The following PRAMEF15 variants were observed in gnomAD, a reference collection of about 807,000 sequenced individuals.
The protein encoded by PRAMEF15 is PRAME family member 15, also known as PRAME family member 9/15.
In PRAMEF15, 21 loss-of-function variants were observed where a neutral mutation model predicts 35.3. That is an observed-to-expected ratio of 0.59 (90% CI 0.42 to 0.86). The LOEUF (loss-of-function observed/expected upper bound fraction) is 0.86. Among genes scored for constraint, PRAMEF15 ranks in the 40% least tolerant of loss-of-function variants. The pLI, the probability that PRAMEF15 is intolerant of heterozygous loss-of-function variation, is 0.00. For missense variants in PRAMEF15, 360 were observed against 574.1 expected (o/e 0.63, Z 3.81); for synonymous variants, 122 against 223.3 (o/e 0.55, Z 4.05).
chr1:13,320,589 A>C (rs1489427000), intron 3 of PRAMEF15, among the ~76,000 whole-genome samples: 1 of 151,898 alleles, frequency 6.6e-6, no homozygotes, highest in Non-Finnish European at 1.5e-5. Context: ...ACACCTGGCT[A>C]ATTTTTATAT....
At chr1:13,316,844 T>C (rs1640011253) in intron 1 of PRAMEF15, among the ~76,000 whole-genome samples, 1 of 151,348 alleles carries the variant, frequency 6.6e-6, no homozygotes, top group Non-Finnish European at 1.5e-5. Context: ...CTGTCTAATA[T>C]CAGGAAGAGA....
At chr1:13,317,280 G>C (rs1333076423) in intron 1 of PRAMEF15, among the ~76,000 whole-genome samples, 1 of 151,874 alleles carries the variant, frequency 6.6e-6, no homozygotes, top group Admixed American at 6.6e-5. Context: ...ATGTTGGCCA[G>C]GCTCGTCTTG....
chr1:13,320,922 C>T (rs1411582696), intron 3 of PRAMEF15, among the ~76,000 whole-genome samples: 1 of 152,026 alleles, frequency 6.6e-6, no homozygotes, highest in Non-Finnish European at 1.5e-5. Flanking sequence ...CTAGGCAATG[C>T]ATGATTCTGA....
chr1:13,321,189 A>T (rs1317236393), intron 3 of PRAMEF15, among the ~76,000 whole-genome samples: 2 of 146,022 alleles, frequency 1.4e-5, no homozygotes, highest in Admixed American at 6.9e-5. Flanking sequence ...TGGTGAAGTG[A>T]CTCAGCCTCA....
chr1:13,321,253 C>T (rs1407613758), intron 3 of PRAMEF15, among the ~76,000 whole-genome samples: 2 of 145,926 alleles, frequency 1.4e-5, no homozygotes, highest in Non-Finnish European at 3.0e-5. Context: ...CTCTCTCTGT[C>T]ACCCAGGCTG....
intron 1 of PRAMEF15, among the ~76,000 whole-genome samples, 158 bp downstream of exon 1, chr1:13,315,816 G>C (rs1294711517): frequency 6.7e-6 from 1 of 149,520 alleles, no homozygotes; most frequent in African/African-American, 2.5e-5. Context: ...TCCTCTAAAT[G>C]CAGTTCTGTC....
In PRAMEF15 at chr1:13,319,385, C is replaced by T. The variant is rs1270407635; in HGVS notation, c.307C>T (p.Gln103Ter). The change falls in exon 3 of 4, where the codon CAA becomes TAA. Residue 103 changes from glutamine to a stop codon, truncating the protein, a stop_gained. Coordinates refer to ENST00000376152, the MANE Select transcript of PRAMEF15 (RefSeq NM_001098376.3). LOFTEE classifies it high-confidence loss of function. ...QGVRPRRWKLQVLDLQDVCEN... is the reference protein window; with the variant it reads ...QGVRPRRWKL ...ATTTTGCCACAGGAGGTGGAAACTC[C>T]AAGTGCTGGATTTACAGGATGTCTG... The T allele has an allele frequency of 6.2e-7, 1 of 1,611,026 alleles. No individual in the cohort carries two copies. Among genetic ancestry groups the T allele is most frequent in the African/African-American group, 1.3e-5 (1 of 74,694 alleles).
At chr1:13,317,019 G>T (rs1377193610) in intron 1 of PRAMEF15, among the ~76,000 whole-genome samples, 2 of 150,332 alleles carry the variant, frequency 1.3e-5, no homozygotes, top group Middle Eastern at 3.4e-3. Flanking sequence ...CTTTAAGAAA[G>T]CCAAAAATCC....
intron 3 of PRAMEF15, 43 bp from the exon 4 acceptor site, chr1:13,321,660 C>T: frequency 1.9e-6 from 3 of 1,603,860 alleles, no homozygotes; most frequent in Admixed American, 1.7e-5. Flanking sequence ...CTCCACTCAC[C>T]CCTATGATTC....
intron 1 of PRAMEF15, among the ~76,000 whole-genome samples, chr1:13,317,855 G>C (rs1640026724): frequency 6.7e-6 from 1 of 150,372 alleles, no homozygotes; most frequent in Non-Finnish European, 1.5e-5. Context: ...AAAGAAAGAA[G>C]GGAGAGAGAG....
intron 1 of PRAMEF15, among the ~76,000 whole-genome samples, chr1:13,317,196 A>C (rs1640016018): frequency 6.6e-6 from 1 of 151,526 alleles, no homozygotes; most frequent in Non-Finnish European, 1.5e-5. Context: ...CAGCCTCCCT[A>C]GTAGCTTGGA....
chr1:13,318,461 C>A lies in PRAMEF15; in HGVS notation c.54C>A (p.Ser18Arg). The A allele has an allele frequency of 6.2e-7, 1 of 1,614,038 alleles. No homozygotes were observed. The highest frequency in any genetic ancestry group is 8.5e-7 in the Non-Finnish European group (1 of 1,180,034). Reference sequence around the variant, plus strand: ...GACTCCTGGAGCTTGCAGGGCGGAGCCTGCTGAGGGACCAAGCTTTGGCCA... The same window carrying A: ...GACTCCTGGAGCTTGCAGGGCGGAGACTGCTGAGGGACCAAGCTTTGGCCA... ...PPRLLELAGR[S>R]LLRDQALAMS... Residue 18 changes from serine to arginine, a missense_variant, in exon 2 of 4, where the codon AGC becomes AGA. Transcript: ENST00000376152.
At chr1:13,316,836 G>A (rs1218377783) in intron 1 of PRAMEF15, among the ~76,000 whole-genome samples, 1 of 151,252 alleles carries the variant, frequency 6.6e-6, no homozygotes, top group South Asian at 2.1e-4. Context: ...CTTTCTTTCT[G>A]TCTAATATCA....
In PRAMEF15 at chr1:13,319,924, C is replaced by T; in HGVS notation, c.846C>T (p.Phe282=). 5.0e-6 allele frequency: 8 copies of T among 1,610,470 alleles called. No homozygotes were observed. In the South Asian group the frequency reaches 6.6e-5, roughly 13 times the overall value. The part of the protein sequence containing the change: ...LQKLYMNSVS[F]LEGHLDQLLS... ...AGCTTTATATGAACTCTGTTTCTTT[C>T]CTCGAAGGCCACCTGGACCAGCTGC... Residue 282 remains phenylalanine (F), a synonymous_variant, in exon 3 of 4, where the codon TTC becomes TTT. Transcript: ENST00000376152.
At position 13,322,342 on chromosome 1, in the gene PRAMEF15, T is replaced by A. The variant is rs1640096037; in HGVS notation, c.*78T>A. On this transcript the variant is annotated 3_prime_UTR_variant, in exon 4 of 4. Transcript: ENST00000376152. Reference sequence around the variant, plus strand: ...AACTAAAACCTAGGTCTTAGGTACATCCTAAAGGGAGCACAGAACCCATCA... The same window carrying A: ...AACTAAAACCTAGGTCTTAGGTACAACCTAAAGGGAGCACAGAACCCATCA... 4 of 889,882 alleles carry A rather than the reference T, an allele frequency of 4.5e-6. No individual in the cohort carries two copies. The highest frequency in any genetic ancestry group is 6.8e-6 in the Non-Finnish European group (4 of 586,658). 55.1% of individuals were successfully genotyped at this position (889,882 alleles called of 1,614,324 possible). A position where few individuals can be genotyped will look rare whatever the true frequency, so the allele number is the denominator to read the frequency against.
At chr1:13,321,094 C>A (rs878891531) in intron 3 of PRAMEF15, among the ~76,000 whole-genome samples, 1 of 144,058 alleles carries the variant, frequency 6.9e-6, no homozygotes, top group African/African-American at 2.6e-5. Context: ...TGGGCTCCTG[C>A]GGCCCAGGGA....
chr1:13,321,817 G>C lies in PRAMEF15; in HGVS notation c.990G>C (p.Leu330=). 4 of 1,608,356 alleles carry C rather than the reference G, an allele frequency of 2.5e-6. No homozygotes were observed. Among genetic ancestry groups the C allele is most frequent in the Admixed American group, 1.7e-5 (1 of 59,776 alleles). ...TCAGTCAACTAAAGACCCTGGACCT[G>C]AGTGGCATCAGACTGACCAATTATA... ...PSISQLKTLD[L]SGIRLTNYSL... is the part of the protein sequence containing the mutation. The change falls in exon 4 of 4, where the codon CTG becomes CTC. Residue 330 remains leucine (L), a synonymous_variant. Coordinates refer to ENST00000376152, the MANE Select transcript of PRAMEF15 (RefSeq NM_001098376.3).
Position 13,318,428 on chromosome 1 carries a change from T to C in PRAMEF15, c.21T>C (p.Thr7=). The change falls in exon 2 of 4, where the codon ACT becomes ACC. Residue 7 remains threonine, a synonymous_variant. Transcript: ENST00000376152. MKMSIR[T]PPRLLELAGR... is the part of the protein sequence containing the mutation. ...GATTCATGAAGATGAGCATCCGGAC[T>C]CCACCCAGACTCCTGGAGCTTGCAG... 6.2e-7 allele frequency: 1 copy of C among 1,613,350 alleles called. No homozygotes were observed. Among genetic ancestry groups the C allele is most frequent in the Non-Finnish European group, 8.5e-7 (1 of 1,179,972 alleles).
intron 1 of PRAMEF15, among the ~76,000 whole-genome samples, chr1:13,315,967 C>T (rs1269859963): frequency 7.9e-5 from 12 of 151,290 alleles, no homozygotes; most frequent in Non-Finnish European, 1.5e-5. Context: ...TGAGACCAAC[C>T]TGGACAACAT....
Sources: allele counts gnomAD v4.1 joint callset (sites outside exome capture counted in the v4.1 genomes callset), GRCh38; gene constraint gnomAD v4.1.1; transcripts MANE v1.5; gene names NCBI Gene and HGNC (gene_info 2026-07-23, HGNC 2026-07-21).